Variants in DOCK5 observed in about 807,000 individuals in gnomAD.
The protein encoded by DOCK5 is dedicator of cytokinesis protein 5.
A neutral mutation model predicts 251.8 loss-of-function variants in DOCK5; 142 were observed. The observed-to-expected ratio is 0.56, with a 90% confidence interval of 0.49 to 0.65. The LOEUF (loss-of-function observed/expected upper bound fraction) is 0.65, where lower values mean the gene tolerates loss of function less well. Ranked by LOEUF, DOCK5 falls within the 30% of genes least tolerant of loss-of-function variation. The pLI is 0.00. For missense variants in DOCK5, 2,111 were observed against 2,312.3 expected (o/e 0.91, Z 1.79); for synonymous variants, 842 against 835.5 (o/e 1.01, Z -0.13).
chr8:25,388,760 T>G (rs2659572), intron 40 of DOCK5: 120,648 of 219,090 alleles, frequency 0.55, 35,795 homozygotes, highest in East Asian at 0.63. Flanking sequence ...AGCATGCCTG[T>G]GGATGTCATT....
At chr8:25,340,782 A>T in intron 22 of DOCK5, 95 bp from the exon 23 acceptor site, 1 of 956,596 alleles carries the variant, frequency 1.0e-6, no homozygotes, top group Non-Finnish European at 1.6e-6. Context: ...GATTAGGGTG[A>T]TACGATGAAG....
chr8:25,286,055 A>G (rs1207352694), intron 5 of DOCK5, among the ~76,000 whole-genome samples: 1 of 152,188 alleles, frequency 6.6e-6, no homozygotes. Context: ...TGCTGGTCAG[A>G]CTGCACTTTT....
At chr8:25,347,825 G>T (rs1235606386) in intron 26 of DOCK5, among the ~76,000 whole-genome samples, 1 of 152,020 alleles carries the variant, frequency 6.6e-6, no homozygotes, top group Non-Finnish European at 1.5e-5. Context: ...TGTTCTAGAC[G>T]ACCTCTTTAG....
Position 25,415,193 on chromosome 8 carries a change from T to C in DOCK5, c.*3895T>C, listed in dbSNP as rs1801688770. 1 of 152,150 alleles carries C rather than the reference T, an allele frequency of 6.6e-6. No homozygotes were observed. Among genetic ancestry groups the C allele is most frequent in the Non-Finnish European group, 1.5e-5 (1 of 68,016 alleles). 9.4% of individuals were successfully genotyped at this position (152,150 alleles called of 1,614,324 possible). A position where few individuals can be genotyped will look rare whatever the true frequency, so the allele number is the denominator to read the frequency against. Reference sequence around the variant, plus strand: ...GCACACATTGAAATATTGACACAGATTACCATAATTTGTGCAACATCTTAT... The same window carrying C: ...GCACACATTGAAATATTGACACAGACTACCATAATTTGTGCAACATCTTAT... On this transcript the variant is annotated 3_prime_UTR_variant, in exon 52 of 52. Transcript: ENST00000276440.
At position 25,358,999 on chromosome 8, in the gene DOCK5, C is replaced by G. The variant is rs769516078; in HGVS notation, c.2887C>G (p.Gln963Glu). ...FVACMIALLQQMDDSHYSHYI... is the reference protein window; with the variant it reads ...FVACMIALLQEMDDSHYSHYI... ...GGCTTGCATGATTGCCCTGCTGCAG[C>G]AAATGGACGACAGCCACTATAGCCA... Residue 963 changes from glutamine to glutamate, a missense_variant, in exon 28 of 52, where the codon CAA becomes GAA. By Grantham distance (29) the Gln-to-Glu change is conservative. Around this residue, in one of 3 missense-constraint regions of DOCK5, gnomAD observed 1,717 missense variants for 1,892.4 expected, o/e 0.91. Coordinates refer to ENST00000276440, the MANE Select transcript of DOCK5 (RefSeq NM_024940.8). 1.2e-6 allele frequency: 2 copies of G among 1,613,960 alleles called. No homozygotes were observed. The highest frequency in any genetic ancestry group is 1.7e-6 in the Non-Finnish European group (2 of 1,179,872).
intron 37 of DOCK5, chr8:25,375,990 C>A: frequency 1.3e-6 from 1 of 793,646 alleles, no homozygotes; most frequent in Non-Finnish European, 1.5e-6. Context: ...CCCAGCTACT[C>A]AGGAGGCTGA....
chr8:25,346,621 C>T (rs1284647114), intron 26 of DOCK5, among the ~76,000 whole-genome samples: 3 of 99,018 alleles, frequency 3.0e-5, no homozygotes, highest in East Asian at 3.4e-4. Flanking sequence ...GTCAGGAGAT[C>T]GAGACCATCC....
intron 21 of DOCK5, among the ~76,000 whole-genome samples, chr8:25,335,112 A>G (rs17776357): frequency 0.095 from 14,472 of 152,182 alleles, 744 homozygotes; most frequent in South Asian, 0.2. Context: ...CCTTCCAGTT[A>G]TTGTGCAGAA....
intron 1 of DOCK5, among the ~76,000 whole-genome samples, chr8:25,199,377 G>GTT (rs1801823149): frequency 1.1e-5 from 1 of 91,194 alleles, no homozygotes. Flanking sequence ...TTTCCGCTCT[G>GTT]TTCTTTTTTT....
intron 31 of DOCK5, among the ~76,000 whole-genome samples, chr8:25,367,387 C>G (rs970191895): frequency 1.4e-4 from 21 of 152,172 alleles, no homozygotes; most frequent in African/African-American, 4.6e-4. Context: ...TCAGACATTG[C>G]ATTAAAATGC....
At chr8:25,219,575 T>G (rs1230716572) in intron 1 of DOCK5, among the ~76,000 whole-genome samples, 1 of 152,240 alleles carries the variant, frequency 6.6e-6, no homozygotes, top group Non-Finnish European at 1.5e-5. Flanking sequence ...TGGTAACTTT[T>G]GAGAGCCTAA....
intron 15 of DOCK5, 99 bp downstream of exon 15, chr8:25,319,775 T>A (rs1751595868): frequency 3.5e-6 from 3 of 864,810 alleles, no homozygotes; most frequent in Middle Eastern, 7.1e-4. Flanking sequence ...ATTTTGAAAT[T>A]TTTAGATAAG....
At chr8:25,408,287 GTGTCAGGTCGCAGATT>G in intron 49 of DOCK5, 133 bp downstream of exon 49, 1 of 963,388 alleles carries the variant, frequency 1.0e-6, no homozygotes. Context: ...GCCTGGGTTA[GTGTCAGGTCGCAGATT>G]GTGGTAAGGA....
intron 2 of DOCK5, among the ~76,000 whole-genome samples, chr8:25,247,804 G>C (rs1219456319): frequency 2.6e-5 from 4 of 152,138 alleles, no homozygotes; most frequent in African/African-American, 9.7e-5. Context: ...AGTGCTTCTA[G>C]TATATTACAG....
intron 1 of DOCK5, among the ~76,000 whole-genome samples, chr8:25,199,466 C>T (rs988542979): frequency 6.6e-6 from 1 of 150,636 alleles, no homozygotes; most frequent in African/African-American, 2.5e-5. Flanking sequence ...TCACTGCAAC[C>T]TCCACCTCCT....
intron 43 of DOCK5, 50 bp downstream of exon 43, chr8:25,392,030 A>G (rs1320197966): frequency 1.3e-6 from 2 of 1,536,292 alleles, no homozygotes; most frequent in East Asian, 2.3e-5. Context: ...CGGGCTGAGC[A>G]CGGTGGCTCA....
chr8:25,327,918 G>C (rs1410512895), intron 18 of DOCK5, among the ~76,000 whole-genome samples: 1 of 152,104 alleles, frequency 6.6e-6, no homozygotes, highest in Non-Finnish European at 1.5e-5. Flanking sequence ...GAGATAATGT[G>C]TGTGTTAATT....
intron 14 of DOCK5, 116 bp downstream of exon 14, chr8:25,317,247 GA>G: frequency 6.8e-7 from 1 of 1,471,756 alleles, no homozygotes; most frequent in East Asian, 2.3e-5. Flanking sequence ...TTTTTCCTGA[GA>G]AAAGAAATAT....
intron 30 of DOCK5, chr8:25,364,919 A>G: frequency 4.0e-6 from 1 of 247,522 alleles, no homozygotes; most frequent in Non-Finnish European, 7.6e-6. Context: ...TAACATATGT[A>G]AAAAAAAAAT....
Sources: gnomAD v4.1 joint callset for allele counts (sites outside exome capture counted in the v4.1 genomes callset) on GRCh38, gnomAD v4.1.1 for gene constraint, gnomAD v4.1.1 regional missense constraint, MANE v1.5 for transcripts, NCBI Gene and HGNC (gene_info 2026-07-23, HGNC 2026-07-21) for gene names.